Variants in PHF13 observed in about 807,000 individuals in gnomAD.
PHF13 encodes PHD zinc finger protein PHF5.
PHF13 carries 1 observed loss-of-function variant against 25.8 expected under a neutral mutation model. That is an observed-to-expected ratio of 0.04 (90% confidence interval 0.01 to 0.18). PHF13 has a LOEUF of 0.18. PHF13 is among the 10% of genes least tolerant of loss of function. PHF13 has a pLI of 1.00. For synonymous variants in PHF13, 195 were observed against 162.4 expected (o/e 1.20, Z -1.53); for missense variants, 306 against 403.2 (o/e 0.76, Z 2.06).
At chr1:6,620,734 A>G (rs963800224) in intron 3 of PHF13, among the ~76,000 whole-genome samples, 3 of 152,076 alleles carry the variant, frequency 2.0e-5, no homozygotes, top group Non-Finnish European at 4.4e-5. Flanking sequence ...AAAATACAAA[A>G]AAAGGCTGGG....
rs1400835442 is a variant in PHF13, at chr1:6,615,442, A to G, written c.40-1315A>G. Among the ~76,000 whole-genome samples, 6 of 152,158 alleles carry G rather than the reference A, an allele frequency of 3.9e-5. No individual in the cohort carries two copies. The East Asian group carries it at 7.8e-4, about 20-fold the overall frequency. On this transcript the variant is annotated intron_variant, in intron 1 of 3. Transcript: ENST00000377648. ...GTGGGAGAGGAGAAGGTTTGCTTGAACCAGGTTGAGAAAATAATTTTCTAA... is the reference window on the plus strand; with the variant it reads ...GTGGGAGAGGAGAAGGTTTGCTTGAGCCAGGTTGAGAAAATAATTTTCTAA...
intron 1 of PHF13, among the ~76,000 whole-genome samples, chr1:6,615,044 C>T (rs1302735272): frequency 2.0e-5 from 3 of 150,980 alleles, no homozygotes; most frequent in East Asian, 3.9e-4. Context: ...GGGCCCCGCA[C>T]CTTCGGGGGC....
Position 6,613,972 on chromosome 1 carries a change from C to T in PHF13, c.-95C>T. 1.2e-6 allele frequency: 1 copy of T among 860,532 alleles called. No individual in the cohort carries two copies. 53.3% of individuals were successfully genotyped at this position (860,532 alleles called of 1,614,324 possible). A position where few individuals can be genotyped will look rare whatever the true frequency, so the allele number is the denominator to read the frequency against. On this transcript the variant is annotated 5_prime_UTR_variant, in exon 1 of 4. Coordinates refer to ENST00000377648, the MANE Select transcript of PHF13 (RefSeq NM_153812.3). ...CGACCCCTCCCGGGTCCGCCCTCGC[C>T]CTGCGCAGCCGCCCGAGCCCCCAGC...
Position 6,623,118 on chromosome 1 carries a change from T to C in PHF13, c.*1481T>C, listed in dbSNP as rs1641366288. The C allele has an allele frequency of 6.6e-6, 1 of 152,272 alleles. No homozygotes were observed. The highest frequency in any genetic ancestry group is 1.5e-5 in the Non-Finnish European group (1 of 68,054). 9.4% of individuals were successfully genotyped at this position (152,272 alleles called of 1,614,324 possible). A position where few individuals can be genotyped will look rare whatever the true frequency, so the allele number is the denominator to read the frequency against. ...CACTGCTGGGGGCTTCCCCTTCATG[T>C]GGCACCTTTGTGCCAGGCCACCAGG... On this transcript the variant is annotated 3_prime_UTR_variant, in exon 4 of 4. Transcript: ENST00000377648.
chr1:6,616,906 A>C (rs982298955), intron 2 of PHF13, 48 bp downstream of exon 2: 6 of 1,537,926 alleles, frequency 3.9e-6, no homozygotes, highest in Non-Finnish European at 5.4e-6. Context: ...AGTCAAACCC[A>C]GTGCCTCCAC....
intron 1 of PHF13, among the ~76,000 whole-genome samples, chr1:6,614,843 G>A (rs866418938): frequency 6.6e-6 from 1 of 151,304 alleles, no homozygotes; most frequent in Middle Eastern, 3.4e-3. Flanking sequence ...CCCCCCGCGC[G>A]GTCCCCTCCC....
chr1:6,615,679 A>G (rs1641250557), intron 1 of PHF13, among the ~76,000 whole-genome samples: 1 of 152,128 alleles, frequency 6.6e-6, no homozygotes, highest in Non-Finnish European at 1.5e-5. Flanking sequence ...AAACAGCAAT[A>G]CGGCACACTT....
rs1641206743 is a variant in PHF13 at position 6,613,798 on chromosome 1, C to T, written c.-269C>T. 5.7e-6 allele frequency: 2 copies of T among 350,428 alleles called. No homozygotes were observed. The highest frequency in any genetic ancestry group is 1.0e-5 in the Non-Finnish European group (2 of 192,078). The allele number at this position is 350,428 out of a possible 1,614,324, so 21.7% of individuals were successfully genotyped here. A position where few individuals can be genotyped will look rare whatever the true frequency, so the allele number is the denominator to read the frequency against. Reference sequence around the variant, plus strand: ...GGGAGCCGGTCGGGTTCCCGCTCACCGCCGCCGCCGCCGCCCCCTGCAGCC... The same window carrying T: ...GGGAGCCGGTCGGGTTCCCGCTCACTGCCGCCGCCGCCGCCCCCTGCAGCC... On this transcript the variant is annotated 5_prime_UTR_variant, in exon 1 of 4. Coordinates refer to ENST00000377648, the MANE Select transcript of PHF13 (RefSeq NM_153812.3).
At chr1:6,614,771 C>T (rs1018253588) in intron 1 of PHF13, among the ~76,000 whole-genome samples, 3 of 148,864 alleles carry the variant, frequency 2.0e-5, no homozygotes, top group East Asian at 4.1e-4. Context: ...GCGGGCTTTG[C>T]TGGCTCCGCC....
At chr1:6,614,183 G>A in intron 1 of PHF13, 78 bp downstream of exon 1, 5 of 1,168,364 alleles carry the variant, frequency 4.3e-6, no homozygotes, top group South Asian at 3.0e-5. Flanking sequence ...CCAGACCCCC[G>A]GTCGCCCGGA....
rs72636128 is a variant in PHF13 at position 6,618,960 on chromosome 1, C to T, written c.142-843C>T. 6.8e-3 allele frequency among the ~76,000 whole-genome samples: 1,033 copies of T among 152,190 alleles called. 6 individuals are homozygous for T. The highest frequency in any genetic ancestry group is 9.0e-3 in the Non-Finnish European group (615 of 68,002). On this transcript the variant is annotated intron_variant, in intron 2 of 3. Coordinates refer to ENST00000377648, the MANE Select transcript of PHF13 (RefSeq NM_153812.3). ...CCGCACCCAGCCTAATGCCTGTTTT[C>T]TAGCAAGACAAGGAGGACGTTGCCA...
chr1:6,616,022 TTGA>T (rs1641255414), intron 1 of PHF13, among the ~76,000 whole-genome samples: 1 of 126,476 alleles, frequency 7.9e-6, no homozygotes. Context: ...GAATGAGTGG[TTGA>T]TTTTTTTTTT....
intron 2 of PHF13, among the ~76,000 whole-genome samples, chr1:6,618,179 G>A (rs1641288644): frequency 2.0e-5 from 3 of 151,970 alleles, no homozygotes; most frequent in Admixed American, 1.3e-4. Context: ...CTGTTGCCCA[G>A]GCTGGAGTGC....
intron 1 of PHF13, chr1:6,614,500 C>T (rs929325457): frequency 4.7e-6 from 1 of 212,958 alleles, no homozygotes; most frequent in Non-Finnish European, 9.4e-6. Flanking sequence ...GCCCCTGGCT[C>T]CGGTTGCTCT....
chr1:6,617,748 G>T (rs1270372987), intron 2 of PHF13, among the ~76,000 whole-genome samples: 3 of 152,186 alleles, frequency 2.0e-5, no homozygotes, highest in African/African-American at 7.2e-5. Context: ...CTTTTAATAA[G>T]GGTCTGTAGT....
chr1:6,618,878 C>T (rs1459035178), intron 2 of PHF13, among the ~76,000 whole-genome samples: 1 of 151,978 alleles, frequency 6.6e-6, no homozygotes. Flanking sequence ...AACTCCTGAG[C>T]TCAGGTGATC....
At chr1:6,620,456 C>A in intron 3 of PHF13, 119 bp downstream of exon 3, 1 of 1,152,214 alleles carries the variant, frequency 8.7e-7, no homozygotes, top group Non-Finnish European at 1.2e-6. Context: ...AGTGTGACAG[C>A]CCCACTGTCC....
At position 6,614,202 on chromosome 1, in the gene PHF13, C is replaced by T. The variant is rs564764944; in HGVS notation, c.39+97C>T. ...ACCCCCGGTCGCCCGGAGCGCCGCC[C>T]TCCCCTTCCCCCGCTTTCCCCTCGT... On this transcript the variant is annotated intron_variant, in intron 1 of 3. Coordinates refer to ENST00000377648, the MANE Select transcript of PHF13 (RefSeq NM_153812.3). 10 of 1,080,792 alleles carry T rather than the reference C, an allele frequency of 9.3e-6. No homozygotes were observed. The African/African-American group carries it at 9.8e-5, about 11-fold the overall frequency. The allele number at this position is 1,080,792 out of a possible 1,614,324, so 67.0% of individuals were successfully genotyped here. A position where few individuals can be genotyped will look rare whatever the true frequency, so the allele number is the denominator to read the frequency against.
chr1:6,622,960 G>GT lies in PHF13; in HGVS notation c.*1325dup, dbSNP rs1357619470. Reference sequence around the variant, plus strand: ...CTGAAATGAACACTGCTCTTCAGCAGTTCAAGTACTTGTTCTCAAAACATT... The same window carrying GT: ...CTGAAATGAACACTGCTCTTCAGCAGTTTCAAGTACTTGTTCTCAAAACATT... On this transcript the variant is annotated 3_prime_UTR_variant, in exon 4 of 4. Coordinates refer to ENST00000377648, the MANE Select transcript of PHF13 (RefSeq NM_153812.3). 2.8e-4 allele frequency: 42 copies of GT among 152,374 alleles called. No individual in the cohort carries two copies. The highest frequency in any genetic ancestry group is 9.4e-4 in the African/African-American group (39 of 41,582). 9.4% of individuals were successfully genotyped at this position (152,374 alleles called of 1,614,324 possible). A position where few individuals can be genotyped will look rare whatever the true frequency, so the allele number is the denominator to read the frequency against.
Sources: gnomAD v4.1 joint callset for allele counts (sites outside exome capture counted in the v4.1 genomes callset) on GRCh38, gnomAD v4.1.1 for gene constraint, MANE v1.5 for transcripts, NCBI Gene and HGNC (gene_info 2026-07-23, HGNC 2026-07-21) for gene names.